MMP8: variants seen among roughly 807,000 people sequenced by gnomAD.
The protein encoded by MMP8 is matrix metallopeptidase 8.
A neutral mutation model predicts 51.2 loss-of-function variants in MMP8; 67 were observed. The observed-to-expected ratio is 1.31, with a 90% confidence interval of 1.08 to 1.60. MMP8 has a LOEUF of 1.60. Among genes scored for constraint, MMP8 ranks in the 40% most tolerant of loss-of-function variants. The pLI is 0.00. For synonymous variants in MMP8, 225 were observed against 191.0 expected (o/e 1.18, Z -1.47); for missense variants, 654 against 558.1 (o/e 1.17, Z -1.73).
intron 5 of MMP8, among the ~76,000 whole-genome samples, 168 bp from the exon 6 acceptor site, chr11:102,716,587 T>C (rs1175754915): frequency 6.6e-6 from 1 of 152,174 alleles, no homozygotes; most frequent in African/African-American, 2.4e-5. Context: ...TTTCATCCTT[T>C]TAAAGTTTTT....
intron 1 of MMP8, chr11:102,723,576 G>A: frequency 4.5e-6 from 2 of 449,318 alleles, no homozygotes. Context: ...AGAAACAAAA[G>A]GGGAGCAAGC....
At chr11:102,720,168 C>T (rs35854623) in intron 4 of MMP8, among the ~76,000 whole-genome samples, 2,572 of 152,260 alleles carry the variant, frequency 0.017, 77 homozygotes, top group African/African-American at 0.059. Flanking sequence ...GCACCAAGAG[C>T]CTTCAATACC....
chr11:102,714,731 T>A lies in MMP8; in HGVS notation c.1037-22A>T, dbSNP rs780880176. The A allele has an allele frequency of 3.6e-6, 5 of 1,405,894 alleles. No individual in the cohort carries two copies. In the Admixed American group the frequency reaches 1.1e-4, roughly 31 times the overall value. The allele number at this position is 1,405,894 out of a possible 1,614,324, so 87.1% of individuals were successfully genotyped here. ...TTGCCTGTCAATGATTCAGGTTAAG[T>A]GTTAAATACGACTTTTCCATTTTTA... On this transcript the variant is annotated intron_variant, in intron 7 of 9. Coordinates refer to ENST00000236826, the MANE Select transcript of MMP8 (RefSeq NM_002424.3).
rs905239577 is a variant in MMP8, at chr11:102,718,327, T to C, written c.784+87A>G. Reference sequence around the variant, plus strand: ...TTCAGTTTTATGGAAACTGCAGAAGTGCAAAGGAAGAGATATTCAGATTCT... The same window carrying C: ...TTCAGTTTTATGGAAACTGCAGAAGCGCAAAGGAAGAGATATTCAGATTCT... On this transcript the variant is annotated intron_variant, in intron 5 of 9. Coordinates refer to ENST00000236826, the MANE Select transcript of MMP8 (RefSeq NM_002424.3). 2.2e-6 allele frequency: 3 copies of C among 1,357,600 alleles called. No individual in the cohort carries two copies. The African/African-American group carries it at 4.4e-5, about 20-fold the overall frequency. The allele number at this position is 1,357,600 out of a possible 1,614,324, so 84.1% of individuals were successfully genotyped here.
chr11:102,713,710 A>G (rs777702110), intron 9 of MMP8, 44 bp downstream of exon 9: 2 of 1,500,494 alleles, frequency 1.3e-6, no homozygotes, highest in South Asian at 2.4e-5. Flanking sequence ...CTCTATAATA[A>G]ACAAACAAAC....
At position 102,724,954 on chromosome 11, in the gene MMP8, C is replaced by A. The variant is rs2134321213; in HGVS notation, c.-99G>T. 7.1e-7 allele frequency: 1 copy of A among 1,399,046 alleles called. No homozygotes were observed. Among genetic ancestry groups the A allele is most frequent in the South Asian group, 1.7e-5 (1 of 57,870 alleles). The allele number at this position is 1,399,046 out of a possible 1,614,324, so 86.7% of individuals were successfully genotyped here. A position where few individuals can be genotyped will look rare whatever the true frequency, so the allele number is the denominator to read the frequency against. ...CCCTGACGTTCACAGCATCATGTGT[C>A]ACTCACAGCTCTCTTGCAGTCCTCT... On this transcript the variant is annotated 5_prime_UTR_variant, in exon 1 of 10. Coordinates refer to ENST00000236826, the MANE Select transcript of MMP8 (RefSeq NM_002424.3).
At chr11:102,716,546 C>T in intron 5 of MMP8, 127 bp from the exon 6 acceptor site, 1 of 502,226 alleles carries the variant, frequency 2.0e-6, no homozygotes, top group South Asian at 3.5e-5. Context: ...TGCTACCAGA[C>T]TATACCATAA....
intron 4 of MMP8, among the ~76,000 whole-genome samples, chr11:102,720,129 G>A (rs912581921): frequency 4.6e-5 from 7 of 152,290 alleles, no homozygotes; most frequent in African/African-American, 1.4e-4. Flanking sequence ...GAAATAAGAA[G>A]ACAAGCCAAG....
At chr11:102,723,435 T>G in intron 1 of MMP8, 1 of 432,110 alleles carries the variant, frequency 2.3e-6, no homozygotes. Context: ...ACAGAATATC[T>G]GAAGCTGGGT....
At chr11:102,717,748 C>A (rs35771428) in intron 5 of MMP8, among the ~76,000 whole-genome samples, 3,343 of 152,270 alleles carry the variant, frequency 0.022, 41 homozygotes, top group Non-Finnish European at 0.036. Flanking sequence ...ATGAGAATTT[C>A]TTTGATAGAT....
chr11:102,719,658 C>T (rs951149555), intron 4 of MMP8, among the ~76,000 whole-genome samples: 1 of 152,202 alleles, frequency 6.6e-6, no homozygotes, highest in Non-Finnish European at 1.5e-5. Context: ...TCTACCCATG[C>T]TCTAAGAATT....
chr11:102,716,238 T>G (rs537021322), intron 6 of MMP8, 64 bp downstream of exon 6: 1 of 1,178,328 alleles, frequency 8.5e-7, no homozygotes, highest in East Asian at 2.4e-5. Flanking sequence ...GTGACTTAAT[T>G]TGAATCCAGT....
chr11:102,719,934 G>A (rs10502007), intron 4 of MMP8, among the ~76,000 whole-genome samples: 2,572 of 152,274 alleles, frequency 0.017, 77 homozygotes, highest in African/African-American at 0.059. Flanking sequence ...ACAGAAGGTG[G>A]CCTTTGACAT....
At chr11:102,721,374 G>A (rs754184501) in intron 4 of MMP8, 27 bp downstream of exon 4, 5 of 1,613,050 alleles carry the variant, frequency 3.1e-6, no homozygotes, top group South Asian at 1.1e-5. Flanking sequence ...CAGAAGCTGT[G>A]TGTGGACATA....
chr11:102,722,760 G>C (rs1861513749), intron 1 of MMP8, 87 bp from the exon 2 acceptor site: 2 of 1,536,366 alleles, frequency 1.3e-6, no homozygotes, highest in Non-Finnish European at 1.8e-6. Flanking sequence ...AGTTACTACA[G>C]AGGTCTGATA....
chr11:102,719,313 T>G (rs941032327), intron 4 of MMP8, among the ~76,000 whole-genome samples: 1 of 152,194 alleles, frequency 6.6e-6, no homozygotes, highest in African/African-American at 2.4e-5. Context: ...AGTGCTTGCC[T>G]TTTAACATGA....
intron 8 of MMP8, 106 bp downstream of exon 8, chr11:102,714,450 T>C: frequency 4.4e-6 from 3 of 680,910 alleles, no homozygotes; most frequent in Non-Finnish European, 4.2e-6. Flanking sequence ...GTAAAACCTA[T>C]TAGAGACTAT....
At chr11:102,723,125 A>G in intron 1 of MMP8, 1 of 1,088,338 alleles carries the variant, frequency 9.2e-7, no homozygotes, top group Non-Finnish European at 1.2e-6. Flanking sequence ...TTTCCAAGTG[A>G]TGATTCAGAT....
At chr11:102,719,234 A>G (rs1398261932) in intron 4 of MMP8, among the ~76,000 whole-genome samples, 3 of 152,152 alleles carry the variant, frequency 2.0e-5, no homozygotes, top group Non-Finnish European at 4.4e-5. Context: ...CTCACTTCCT[A>G]TCAAATAAAG....
Sources: gnomAD v4.1 joint callset for allele counts (sites outside exome capture counted in the v4.1 genomes callset) on GRCh38, gnomAD v4.1.1 for gene constraint, MANE v1.5 for transcripts, NCBI Gene and HGNC (gene_info 2026-07-23, HGNC 2026-07-21) for gene names.